Variants in DEPTOR observed in about 807,000 individuals in gnomAD.
DEPTOR encodes DEP domain containing MTOR interacting protein.
Under a neutral mutation model 41.6 loss-of-function variants are expected in DEPTOR, and 41 were observed. That is an observed-to-expected ratio of 0.98 (90% CI 0.77 to 1.28). DEPTOR has a LOEUF of 1.28. Ranked by LOEUF, DEPTOR falls within the 50% of genes most tolerant of loss-of-function variation. The pLI is 0.00. For missense variants in DEPTOR, 514 were observed against 527.9 expected (o/e 0.97, Z 0.26); for synonymous variants, 195 against 192.3 (o/e 1.01, Z -0.12).
chr8:119,913,783 T>G (rs1229463931), intron 1 of DEPTOR, among the ~76,000 whole-genome samples: 1 of 152,098 alleles, frequency 6.6e-6, no homozygotes, highest in Non-Finnish European at 1.5e-5. Context: ...CAATGCACAC[T>G]CTTCAGTTAG....
intron 8 of DEPTOR, among the ~76,000 whole-genome samples, chr8:120,033,369 G>C (rs1812925368): frequency 6.6e-6 from 1 of 152,118 alleles, no homozygotes; most frequent in South Asian, 2.1e-4. Context: ...TTACAGGTGT[G>C]AGCAACTGTG....
At chr8:119,880,850 T>C (rs1348428957) in intron 1 of DEPTOR, among the ~76,000 whole-genome samples, 1 of 152,210 alleles carries the variant, frequency 6.6e-6, no homozygotes. Flanking sequence ...GAATTCAGAA[T>C]GTATAATAAA....
intron 3 of DEPTOR, among the ~76,000 whole-genome samples, chr8:119,949,327 T>C (rs1284088709): frequency 6.6e-6 from 1 of 152,250 alleles, no homozygotes; most frequent in East Asian, 1.9e-4. Context: ...AATATCGTTA[T>C]GAACATTCAT....
intron 4 of DEPTOR, among the ~76,000 whole-genome samples, chr8:119,982,014 TAA>T (rs35334859): frequency 1.2e-4 from 8 of 65,690 alleles, no homozygotes; most frequent in Non-Finnish European, 1.3e-4. Context: ...ATTCCATCTC[TAA>T]AAAAAAAAAA....
intron 4 of DEPTOR, among the ~76,000 whole-genome samples, chr8:119,997,314 A>G (rs911617691): frequency 3.3e-5 from 5 of 152,082 alleles, no homozygotes; most frequent in African/African-American, 1.2e-4. Flanking sequence ...GGCTCAGTGC[A>G]GCCTCAACCT....
chr8:120,030,634 G>A (rs1812877703), intron 8 of DEPTOR, among the ~76,000 whole-genome samples: 1 of 149,350 alleles, frequency 6.7e-6, no homozygotes, highest in Non-Finnish European at 1.5e-5. Flanking sequence ...AGACTCCCCA[G>A]TAGCTAGGAT....
chr8:119,967,786 TTACAG>T (rs1828582722), intron 4 of DEPTOR, among the ~76,000 whole-genome samples: 1 of 152,062 alleles, frequency 6.6e-6, no homozygotes, highest in Non-Finnish European at 1.5e-5. Flanking sequence ...AAGTATTGTT[TTACAG>T]TACTTTTATT....
At chr8:119,981,689 T>C (rs1828769087) in intron 4 of DEPTOR, among the ~76,000 whole-genome samples, 1 of 151,760 alleles carries the variant, frequency 6.6e-6, no homozygotes, top group Non-Finnish European at 1.5e-5. Context: ...TATTATTATT[T>C]AGACTGGACT....
intron 8 of DEPTOR, among the ~76,000 whole-genome samples, chr8:120,034,813 T>C (rs1201797018): frequency 6.6e-6 from 1 of 152,178 alleles, no homozygotes; most frequent in Admixed American, 6.6e-5. Context: ...TTTGTTATGT[T>C]AATTTTGCCT....
chr8:119,952,135 CA>C (rs372128605), intron 3 of DEPTOR, among the ~76,000 whole-genome samples: 40 of 139,786 alleles, frequency 2.9e-4, no homozygotes, highest in African/African-American at 1.0e-3. Context: ...AACTCTGTCT[CA>C]AAAAAAAAGA....
At chr8:119,938,046 A>T (rs1386303127) in intron 3 of DEPTOR, among the ~76,000 whole-genome samples, 2 of 152,224 alleles carry the variant, frequency 1.3e-5, no homozygotes, top group African/African-American at 4.8e-5. Context: ...TTGAAAAGCT[A>T]GTCTGGAACA....
At chr8:120,023,101 C>T (rs1025760231) in intron 8 of DEPTOR, among the ~76,000 whole-genome samples, 2 of 152,186 alleles carry the variant, frequency 1.3e-5, no homozygotes, top group Non-Finnish European at 2.9e-5. Context: ...TCCTGACTCA[C>T]AGAGGGCCGG....
chr8:119,930,539 C>T (rs1828029269), intron 3 of DEPTOR, among the ~76,000 whole-genome samples: 1 of 151,976 alleles, frequency 6.6e-6, no homozygotes, highest in Non-Finnish European at 1.5e-5. Flanking sequence ...GCTTGGCCCC[C>T]TTTTTTCTTT....
chr8:119,931,043 C>A (rs1401840159), intron 3 of DEPTOR, among the ~76,000 whole-genome samples: 1 of 152,010 alleles, frequency 6.6e-6, no homozygotes, highest in Non-Finnish European at 1.5e-5. Context: ...GAAAGCCCGT[C>A]TCCACTAAAA....
intron 1 of DEPTOR, among the ~76,000 whole-genome samples, chr8:119,901,436 G>A (rs558671694): frequency 1.6e-4 from 24 of 152,166 alleles, no homozygotes; most frequent in African/African-American, 5.3e-4. Flanking sequence ...CTGCACTTTG[G>A]GAGGCTGAGG....
rs186710086 is a variant in DEPTOR at position 120,026,348 on chromosome 8, A to G, written c.1101+17215A>G. ...GGGGGCAGAGAACTCAAGTATTCTA[A>G]TTTTTTTTTTTGAGATGGAGTTTTG... is the stretch of plus-strand genomic sequence containing the variant. On this transcript the variant is annotated intron_variant, in intron 8 of 8. Coordinates refer to ENST00000286234, the MANE Select transcript of DEPTOR (RefSeq NM_022783.4). Among the ~76,000 whole-genome samples the G allele has an allele frequency of 3.6e-5, 5 of 138,110 alleles. No homozygotes were observed. The East Asian group carries it at 8.8e-4, about 24-fold the overall frequency. 90.6% of individuals were successfully genotyped at this position (138,110 alleles called of 152,430 possible). A position where few individuals can be genotyped will look rare whatever the true frequency, so the allele number is the denominator to read the frequency against.
intron 8 of DEPTOR, among the ~76,000 whole-genome samples, chr8:120,043,002 C>T (rs1168876128): frequency 2.0e-5 from 3 of 152,146 alleles, no homozygotes; most frequent in African/African-American, 7.2e-5. Flanking sequence ...AGGTATGTAC[C>T]ACCATGCCTG....
intron 1 of DEPTOR, among the ~76,000 whole-genome samples, chr8:119,915,898 T>G (rs1471309384): frequency 1.4e-5 from 2 of 145,266 alleles, no homozygotes; most frequent in Non-Finnish European, 3.0e-5. Flanking sequence ...GCCAAGTCTC[T>G]CCAGTAATTG....
chr8:119,964,641 G>A (rs1828533822), intron 3 of DEPTOR, among the ~76,000 whole-genome samples: 1 of 151,958 alleles, frequency 6.6e-6, no homozygotes, highest in Non-Finnish European at 1.5e-5. Flanking sequence ...TTTTCAGAAT[G>A]GTAGAATAGA....
Sources: gnomAD v4.1 joint callset for allele counts (sites outside exome capture counted in the v4.1 genomes callset) on GRCh38, gnomAD v4.1.1 for gene constraint, MANE v1.5 for transcripts, NCBI Gene and HGNC (gene_info 2026-07-23, HGNC 2026-07-21) for gene names.